Variants in FOXN4 observed in about 807,000 individuals in gnomAD.
The protein encoded by FOXN4 is forkhead box N4.
Under a neutral mutation model 45.0 loss-of-function variants are expected in FOXN4, and 12 were observed. The observed-to-expected ratio is 0.27, with a 90% CI of 0.17 to 0.43. The LOEUF (loss-of-function observed/expected upper bound fraction) is 0.43. Among genes scored for constraint, FOXN4 ranks in the 20% least tolerant of loss-of-function variants. The pLI, the probability that FOXN4 is intolerant of heterozygous loss-of-function variation, is 1.00. For missense variants in FOXN4, 560 were observed against 694.9 expected, an observed-to-expected ratio of 0.81 and a Z score of 2.18; for synonymous variants, 297 against 295.0, an observed-to-expected ratio of 1.01 and a Z score of -0.07.
rs750298439 is a variant in FOXN4, at chr12:109,279,753, G to A, written c.1472C>T (p.Pro491Leu). ...VTGLYTAYST[P>L]DSVAASGTSS... ...GGTGCCCGATGCAGCCACACTGTCC[G>A]GAGTGGAGTACGCTGTGTAGAGACC... Residue 491 changes from proline (P) to leucine (L), a missense_variant, in exon 10 of 10, where the codon CCG becomes CTG. Around this residue, in one of 5 missense-constraint regions of FOXN4, gnomAD observed 315 missense variants for 350.5 expected, o/e 0.90. Transcript: ENST00000299162. 1.8e-5 allele frequency: 29 copies of A among 1,591,018 alleles called. No homozygotes were observed. The highest frequency in any genetic ancestry group is 3.3e-4 in the Middle Eastern group (2 of 6,052).
At chr12:109,296,158 A>G (rs888772235) in intron 2 of FOXN4, among the ~76,000 whole-genome samples, 1 of 152,182 alleles carries the variant, frequency 6.6e-6, no homozygotes, top group African/African-American at 2.4e-5. Context: ...TGGGTCGCCC[A>G]GAGGCACTGA....
At position 109,296,905 on chromosome 12, in the gene FOXN4, T is replaced by G. The variant is rs147504568; in HGVS notation, c.87-6619A>C. Among the ~76,000 whole-genome samples, 331 of 152,340 alleles carry G rather than the reference T, an allele frequency of 2.2e-3. 1 individual carries two copies. The highest frequency in any genetic ancestry group is 7.3e-3 in the African/African-American group (302 of 41,574). ...GCGCCCAGCCCTGAGCTAAAGCCACTTTCTCACTGGATCTCACATCATCCT... is the reference window on the plus strand; with the variant it reads ...GCGCCCAGCCCTGAGCTAAAGCCACGTTCTCACTGGATCTCACATCATCCT... On this transcript the variant is annotated intron_variant, in intron 2 of 9. Coordinates refer to ENST00000299162, the MANE Select transcript of FOXN4 (RefSeq NM_213596.3).
At position 109,287,301 on chromosome 12, in the gene FOXN4, G is replaced by T; in HGVS notation, c.596+96C>A. ...CAAAACCTCCCCCTTGGAAGTCTGG[G>T]CTGCCACACTAGCTGTCTGAGATGC... On this transcript the variant is annotated intron_variant, in intron 6 of 9. Coordinates refer to ENST00000299162, the MANE Select transcript of FOXN4 (RefSeq NM_213596.3). The surrounding 1 kb of genome is among the most constrained non-coding windows in gnomAD (Gnocchi z 4.1). 6.8e-7 allele frequency: 1 copy of T among 1,476,588 alleles called. No individual in the cohort carries two copies. The highest frequency in any genetic ancestry group is 9.2e-7 in the Non-Finnish European group (1 of 1,092,796). The allele number at this position is 1,476,588 out of a possible 1,614,324, so 91.5% of individuals were successfully genotyped here.
chr12:109,294,853 T>A lies in FOXN4; in HGVS notation c.87-4567A>T, dbSNP rs555691938. On this transcript the variant is annotated intron_variant, in intron 2 of 9. Transcript: ENST00000299162. ...TGGCATGTGAAGCCCCCTCCACACC[T>A]CTCCCTCATCAGTGCCTGAAGTTCC... Among the ~76,000 whole-genome samples the A allele has an allele frequency of 2.0e-5, 3 of 149,178 alleles. No homozygotes were observed. In the East Asian group the frequency reaches 5.9e-4, roughly 29 times the overall value.
chr12:109,279,408 G>C lies in FOXN4; in HGVS notation c.*263C>G, dbSNP rs1339781779. On this transcript the variant is annotated 3_prime_UTR_variant, in exon 10 of 10. Coordinates refer to ENST00000299162, the MANE Select transcript of FOXN4 (RefSeq NM_213596.3). ...CTCGGAGGAGTGTCAAGGGGTCGGG[G>C]GATGCTGGGTTGCTTGTCCACCTTC... 1 of 552,184 alleles carries C rather than the reference G, an allele frequency of 1.8e-6. No homozygotes were observed. Among genetic ancestry groups the C allele is most frequent in the Non-Finnish European group, 3.2e-6 (1 of 309,312 alleles). The allele number at this position is 552,184 out of a possible 1,614,324, so 34.2% of individuals were successfully genotyped here. A position where few individuals can be genotyped will look rare whatever the true frequency, so the allele number is the denominator to read the frequency against.
chr12:109,303,072 T>C (rs562505937), intron 2 of FOXN4, among the ~76,000 whole-genome samples: 209 of 152,344 alleles, frequency 1.4e-3, no homozygotes, highest in African/African-American at 4.8e-3. Context: ...AAAGAATCTT[T>C]CCTTTCTAGA....
intron 2 of FOXN4, among the ~76,000 whole-genome samples, chr12:109,295,792 A>C (rs2047811422): frequency 6.6e-6 from 1 of 152,136 alleles, no homozygotes; most frequent in Admixed American, 6.5e-5. Context: ...TCTCAAAAAG[A>C]AAAAGAAGAC....
chr12:109,299,302 T>G (rs1023029077), intron 2 of FOXN4, among the ~76,000 whole-genome samples: 1 of 152,186 alleles, frequency 6.6e-6, no homozygotes, highest in Non-Finnish European at 1.5e-5. Flanking sequence ...AAAACGCATA[T>G]GCACACAGAC....
Position 109,287,979 on chromosome 12 carries a change from CAG to C in FOXN4, c.358-27_358-26del. On this transcript the variant is annotated intron_variant, in intron 4 of 9. Transcript: ENST00000299162. The surrounding 1 kb of genome is among the most constrained non-coding windows in gnomAD (Gnocchi z 4.1). ...TCTGCTGGGCAGGAAGAGGAGGAGACAGAGGGTCACGGTGGGGGTAGACACCC... is the reference window on the plus strand; with the variant it reads ...TCTGCTGGGCAGGAAGAGGAGGAGACAGGGTCACGGTGGGGGTAGACACCC... The C allele has an allele frequency of 6.5e-7, 1 of 1,549,702 alleles. No homozygotes were observed. The highest frequency in any genetic ancestry group is 8.7e-7 in the Non-Finnish European group (1 of 1,146,882).
rs2047767055 is a variant in FOXN4 at position 109,291,399 on chromosome 12, A to T, written c.87-1113T>A. Reference sequence around the variant, plus strand: ...TCTGTGTCACCACCAAGAGGCCCACAGTCTAAATTCTAAGTTCCATGTTTC... The same window carrying T: ...TCTGTGTCACCACCAAGAGGCCCACTGTCTAAATTCTAAGTTCCATGTTTC... On this transcript the variant is annotated intron_variant, in intron 2 of 9. Coordinates refer to ENST00000299162, the MANE Select transcript of FOXN4 (RefSeq NM_213596.3). The surrounding 1 kb of genome is among the most constrained non-coding windows in gnomAD (Gnocchi z 6.6). 1.3e-5 allele frequency among the ~76,000 whole-genome samples: 2 copies of T among 151,952 alleles called. No homozygotes were observed. Among genetic ancestry groups the T allele is most frequent in the African/African-American group, 4.8e-5 (2 of 41,370 alleles).
chr12:109,287,354 C>T lies in FOXN4; in HGVS notation c.596+43G>A, dbSNP rs770394565. 42 of 1,550,070 alleles carry T rather than the reference C, an allele frequency of 2.7e-5. No individual in the cohort carries two copies. The highest frequency in any genetic ancestry group is 1.8e-4 in the Middle Eastern group (1 of 5,452). The stretch of plus-strand genomic sequence containing the variant: ...TGAGGGCAGCCTCATCCCTCTCTCC[C>T]GGAGCCGCCCTTGGCCCTGACCCGG... On this transcript the variant is annotated intron_variant, in intron 6 of 9. Coordinates refer to ENST00000299162, the MANE Select transcript of FOXN4 (RefSeq NM_213596.3). This position sits in a 1 kb window ranked among gnomAD's most constrained non-coding sequence, Gnocchi z 4.1.
intron 8 of FOXN4, among the ~76,000 whole-genome samples, chr12:109,283,060 C>T (rs977359558): frequency 3.3e-5 from 5 of 152,040 alleles, no homozygotes; most frequent in Non-Finnish European, 5.9e-5. Flanking sequence ...ATTCCTACAC[C>T]GCATGGTGAT....
intron 6 of FOXN4, chr12:109,286,988 C>G (rs2136921703): frequency 1.0e-6 from 1 of 989,936 alleles, no homozygotes; most frequent in Middle Eastern, 3.4e-4. Flanking sequence ...ACCCTTTCCC[C>G]TCTTTATTGC....
At chr12:109,306,179 ACT>A (rs1364626691) in intron 2 of FOXN4, among the ~76,000 whole-genome samples, 1 of 151,948 alleles carries the variant, frequency 6.6e-6, no homozygotes, top group African/African-American at 2.4e-5. Context: ...GGGAAGCTGG[ACT>A]CTCTAATGTA....
At position 109,281,789 on chromosome 12, in the gene FOXN4, G is replaced by T; in HGVS notation, c.912C>A (p.Asp304Glu). Reference protein sequence around the residue: ...HRSMANPEELDKLISDRPESC... With the variant: ...HRSMANPEELEKLISDRPESC... ...TTTCAGGCCGGTCGGAGATCAGCTT[G>T]TCCAACTCCTCTGCAGGCAAGTGGG... The change falls in exon 9 of 10, where the codon GAC becomes GAA. Residue 304 changes from aspartate (D) to glutamate (E), a missense_variant. By Grantham distance (45) the Asp-to-Glu change is conservative. Coordinates refer to ENST00000299162, the MANE Select transcript of FOXN4 (RefSeq NM_213596.3). 1 of 1,577,444 alleles carries T rather than the reference G, an allele frequency of 6.3e-7. No individual in the cohort carries two copies. Among genetic ancestry groups the T allele is most frequent in the Non-Finnish European group, 8.6e-7 (1 of 1,164,484 alleles).
At chr12:109,298,870 G>C (rs1408118819) in intron 2 of FOXN4, among the ~76,000 whole-genome samples, 1 of 152,170 alleles carries the variant, frequency 6.6e-6, no homozygotes, top group East Asian at 1.9e-4. Context: ...TGCGTGACCT[G>C]GGGCTGGTGA....
chr12:109,290,208 A>T lies in FOXN4; in HGVS notation c.165T>A (p.Pro55=), dbSNP rs1215961246. ...SLSWLTAVDV[P]RLQQMASGRV... ...GGCCACTTGCCATCTGCTGCAGCCG[A>T]GGCACATCCACCGCCGTGAGCCACG... is the stretch of plus-strand genomic sequence containing the variant. The change falls in exon 3 of 10, where the codon CCT becomes CCA. Residue 55 remains proline, a synonymous_variant. Transcript: ENST00000299162. The surrounding 1 kb of genome is among the most constrained non-coding windows in gnomAD (Gnocchi z 5.1). 6.4e-7 allele frequency: 1 copy of T among 1,551,230 alleles called. No homozygotes were observed. Among genetic ancestry groups the T allele is most frequent in the Admixed American group, 2.0e-5 (1 of 50,964 alleles).
rs529949743 is a variant in FOXN4 at position 109,305,988 on chromosome 12, T to C, written c.86+2248A>G. ...CTGTTTTTGGAGAAGGGCAGTTGCT[T>C]AGTGCCCCCAGACAGTTTGTCAGCT... On this transcript the variant is annotated intron_variant, in intron 2 of 9. Transcript: ENST00000299162. Among the ~76,000 whole-genome samples the C allele has an allele frequency of 8.3e-4, 127 of 152,170 alleles. 2 individuals are homozygous for C. The South Asian group carries it at 0.026, about 31-fold the overall frequency.
chr12:109,279,864 G>T lies in FOXN4; in HGVS notation c.1361C>A (p.Ser454Tyr). The T allele has an allele frequency of 1.2e-6, 2 of 1,614,012 alleles. No homozygotes were observed. Among genetic ancestry groups the T allele is most frequent in the Non-Finnish European group, 1.7e-6 (2 of 1,179,900 alleles). ...SLDTLGAFAD[S>Y]PLGCDLGASG... ...GGCCCCCAGGTCACAGCCAAGCGGG[G>T]AGTCTGCAAAGGCGCCCAGTGTGTC... Residue 454 changes from serine (S) to tyrosine (Y), a missense_variant, in exon 10 of 10, where the codon TCC (serine) becomes TAC (tyrosine). Transcript: ENST00000299162.
Sources: gnomAD v4.1 joint callset for allele counts (sites outside exome capture counted in the v4.1 genomes callset) on GRCh38, gnomAD v4.1.1 for gene constraint, gnomAD v4.1.1 regional missense constraint, Gnocchi (gnomAD v3.1) non-coding constraint, MANE v1.5 for transcripts, NCBI Gene and HGNC (gene_info 2026-07-23, HGNC 2026-07-21) for gene names.